NFATC2: variants seen among roughly 807,000 people sequenced by gnomAD.
NFATC2 encodes nuclear factor of activated T-cells, cytoplasmic 2.
A neutral mutation model predicts 87.3 loss-of-function variants in NFATC2; 22 were observed. The observed-to-expected ratio is 0.25, with a 90% confidence interval of 0.18 to 0.36. The LOEUF (loss-of-function observed/expected upper bound fraction) is 0.36. NFATC2 is among the 10% of genes least tolerant of loss of function. The pLI, the probability that NFATC2 is intolerant of heterozygous loss-of-function variation, is 1.00. For synonymous variants in NFATC2, 565 were observed against 542.2 expected (o/e 1.04, Z -0.58); for missense variants, 1,149 against 1,259.1 (o/e 0.91, Z 1.32).
rs538849990 is a variant in NFATC2, at chr20:51,390,623, G to A, written c.*873C>T. Reference sequence around the variant, plus strand: ...GGAAATTGTGTTAGCAGGACTGCGTGCTGCAGGGGTTAAAGAACAGCTCGC... The same window carrying A: ...GGAAATTGTGTTAGCAGGACTGCGTACTGCAGGGGTTAAAGAACAGCTCGC... On this transcript the variant is annotated 3_prime_UTR_variant, in exon 11 of 11. Transcript: ENST00000371564. 1 of 153,040 alleles carries A rather than the reference G, an allele frequency of 6.5e-6. No homozygotes were observed. Among genetic ancestry groups the A allele is most frequent in the Non-Finnish European group, 1.5e-5 (1 of 68,592 alleles). 9.5% of individuals were successfully genotyped at this position (153,040 alleles called of 1,614,324 possible). A position where few individuals can be genotyped will look rare whatever the true frequency, so the allele number is the denominator to read the frequency against.
chr20:51,433,759 ATG>A (rs59775939), intron 8 of NFATC2, among the ~76,000 whole-genome samples: 19,255 of 145,860 alleles, frequency 0.13, 1,282 homozygotes, highest in Middle Eastern at 0.19. Context: ...TCATGCATGC[ATG>A]TGTGTGTGTG....
chr20:51,537,014 A>T (rs948640775), intron 1 of NFATC2, among the ~76,000 whole-genome samples: 12 of 152,060 alleles, frequency 7.9e-5, no homozygotes, highest in African/African-American at 2.9e-4. Flanking sequence ...CAGACACCAT[A>T]TCTAATTTGT....
At chr20:51,449,244 A>G (rs1985471627) in intron 6 of NFATC2, among the ~76,000 whole-genome samples, 1 of 152,148 alleles carries the variant, frequency 6.6e-6, no homozygotes, top group Non-Finnish European at 1.5e-5. Flanking sequence ...GAGTTTTGGA[A>G]AAAAGAAGTT....
At chr20:51,395,110 T>C (rs1382308345) in intron 10 of NFATC2, among the ~76,000 whole-genome samples, 1 of 152,210 alleles carries the variant, frequency 6.6e-6, no homozygotes, top group Non-Finnish European at 1.5e-5. Flanking sequence ...TCTTTCTCTC[T>C]ATGAAAGAAT....
At chr20:51,398,582 AAT>A in intron 10 of NFATC2, 59 bp downstream of exon 10, 7 of 1,198,894 alleles carry the variant, frequency 5.8e-6, no homozygotes, top group Non-Finnish European at 8.2e-6. Context: ...AAAAAAAAAA[AAT>A]TCAAGTTAAG....
chr20:51,464,416 C>G (rs1987468953), intron 5 of NFATC2, among the ~76,000 whole-genome samples: 1 of 152,230 alleles, frequency 6.6e-6, no homozygotes, highest in Non-Finnish European at 1.5e-5. Flanking sequence ...GACTAAGCAG[C>G]CAGTAAGTGG....
chr20:51,482,864 G>T (rs1989380107), intron 3 of NFATC2, among the ~76,000 whole-genome samples: 1 of 152,118 alleles, frequency 6.6e-6, no homozygotes, highest in African/African-American at 2.4e-5. Flanking sequence ...GACTAAGATG[G>T]TCATGTCCTC....
chr20:51,549,251 T>C (rs1287657515), intron 1 of NFATC2, among the ~76,000 whole-genome samples: 1 of 128,140 alleles, frequency 7.8e-6, no homozygotes, highest in Non-Finnish European at 1.6e-5. Context: ...CTTCTTGAGG[T>C]TTTTTGGTTT....
At chr20:51,546,922 G>A (rs2076894234), upstream of NFATC2, among the ~76,000 whole-genome samples, 1 of 152,176 alleles carries the variant, frequency 6.6e-6, no homozygotes, top group African/African-American at 2.4e-5. Context: ...AAGGCTCTGA[G>A]GCAGGAGGAA....
At chr20:51,560,452 T>C (rs2077011474) in intron 1 of NFATC2, among the ~76,000 whole-genome samples, 1 of 152,196 alleles carries the variant, frequency 6.6e-6, no homozygotes, top group South Asian at 2.1e-4. Context: ...AGATCTTCAG[T>C]TTTTCACAGG....
At chr20:51,535,347 C>G (rs961332615) in intron 1 of NFATC2, among the ~76,000 whole-genome samples, 1 of 152,258 alleles carries the variant, frequency 6.6e-6, no homozygotes, top group African/African-American at 2.4e-5. Flanking sequence ...CTGATCCCCA[C>G]ATCCCCTCGC....
chr20:51,510,375 C>T (rs866087881), intron 3 of NFATC2, among the ~76,000 whole-genome samples: 51 of 152,198 alleles, frequency 3.4e-4, no homozygotes, highest in African/African-American at 1.2e-3. Context: ...TAAAGCCCAA[C>T]CTTGCAAAAC....
intron 6 of NFATC2, among the ~76,000 whole-genome samples, chr20:51,448,209 G>A (rs563630967): frequency 1.3e-5 from 2 of 152,216 alleles, no homozygotes; most frequent in African/African-American, 4.8e-5. Flanking sequence ...CAAGAAAACA[G>A]AGCCGGGCAG....
rs532029917 is a variant in NFATC2 at position 51,489,967 on chromosome 20, C to T, written c.1333-14307G>A. On this transcript the variant is annotated intron_variant, in intron 3 of 10. Transcript: ENST00000371564. Reference sequence around the variant, plus strand: ...TGCTGCTTACTTTCTGTCTGGTTTCCGAATTGCTTTTTCCTGGTTAAAAGG... The same window carrying T: ...TGCTGCTTACTTTCTGTCTGGTTTCTGAATTGCTTTTTCCTGGTTAAAAGG... Among the ~76,000 whole-genome samples the T allele has an allele frequency of 5.9e-5, 9 of 152,306 alleles. No homozygotes were observed. In the East Asian group the frequency reaches 1.7e-3, roughly 29 times the overall value.
chr20:51,462,125 A>C (rs1431616471), intron 5 of NFATC2, among the ~76,000 whole-genome samples: 2 of 151,202 alleles, frequency 1.3e-5, no homozygotes, highest in East Asian at 3.9e-4. Context: ...TTCAACAATA[A>C]AAATAAATTT....
chr20:51,481,650 G>A lies in NFATC2; in HGVS notation c.1333-5990C>T, dbSNP rs990258810. Among the ~76,000 whole-genome samples, 9 of 152,052 alleles carry A rather than the reference G, an allele frequency of 5.9e-5. No individual in the cohort carries two copies. The East Asian group carries it at 7.7e-4, about 13-fold the overall frequency. On this transcript the variant is annotated intron_variant, in intron 3 of 10. Transcript: ENST00000371564. ...GGGGGCCCAGGCTGCAGCTTGGTGC[G>A]ACTTCCATCCACCAACCTTCCCATC...
rs150950947 is a variant in NFATC2, at chr20:51,448,042, G to A, written c.1849+6506C>T. ...GATGCATTCATTCAACAACACAAAT[G>A]AGCACCTGCTATGTGCCGGGGACCA... is the stretch of plus-strand genomic sequence containing the variant. On this transcript the variant is annotated intron_variant, in intron 6 of 10. Coordinates refer to ENST00000371564, the MANE Select transcript of NFATC2 (RefSeq NM_012340.5). 5.4e-3 allele frequency among the ~76,000 whole-genome samples: 829 copies of A among 152,312 alleles called. 12 individuals are homozygous for A. The highest frequency in any genetic ancestry group is 0.018 in the African/African-American group (765 of 41,556).
At chr20:51,562,711 T>C, upstream of NFATC2, 3 of 1,374,786 alleles carry the variant, frequency 2.2e-6, no homozygotes, top group Non-Finnish European at 3.0e-6. The surrounding 1 kb of genome is among the most constrained non-coding windows in gnomAD (Gnocchi z 5.8). Context: ...CGCCGTCTTC[T>C]CTACCGCGTG....
intron 3 of NFATC2, among the ~76,000 whole-genome samples, chr20:51,513,479 T>C (rs1343097096): frequency 1.1e-4 from 17 of 152,152 alleles, no homozygotes; most frequent in Non-Finnish European, 4.4e-5. Flanking sequence ...ATCCTATCTC[T>C]AAAATAAGCA....
Sources: gnomAD v4.1 joint callset for allele counts (sites outside exome capture counted in the v4.1 genomes callset) on GRCh38, gnomAD v4.1.1 for gene constraint, Gnocchi (gnomAD v3.1) non-coding constraint, MANE v1.5 for transcripts, NCBI Gene and HGNC (gene_info 2026-07-23, HGNC 2026-07-21) for gene names.